Variants in SMG7 observed in about 807,000 individuals in gnomAD.
SMG7 encodes the protein nonsense-mediated mRNA decay factor SMG7.
Under a neutral mutation model 148.2 loss-of-function variants are expected in SMG7, and 34 were observed. The observed-to-expected ratio is 0.23, with a 90% CI of 0.17 to 0.31. The LOEUF (loss-of-function observed/expected upper bound fraction) is 0.31, where lower values mean the gene tolerates loss of function less well. SMG7 is among the 10% of genes least tolerant of loss of function. The pLI, the probability that SMG7 is intolerant of heterozygous loss-of-function variation, is 1.00. For missense variants in SMG7, 1,114 were observed against 1,408.4 expected (o/e 0.79, Z 3.35); for synonymous variants, 492 against 515.1 (o/e 0.96, Z 0.61).
intron 15 of SMG7, among the ~76,000 whole-genome samples, chr1:183,544,724 C>T (rs973239649): frequency 6.6e-6 from 1 of 152,132 alleles, no homozygotes; most frequent in Non-Finnish European, 1.5e-5. Context: ...AAGCTACTCA[C>T]AGAACACTGA....
At chr1:183,541,179 C>A in intron 13 of SMG7, 76 bp downstream of exon 13, 1 of 1,254,690 alleles carries the variant, frequency 8.0e-7, no homozygotes, top group Non-Finnish European at 1.1e-6. Context: ...CGCGCGCGCA[C>A]ACACACACAT....
At chr1:183,539,566 A>C (rs1475393383) in intron 12 of SMG7, among the ~76,000 whole-genome samples, 2 of 152,196 alleles carry the variant, frequency 1.3e-5, no homozygotes, top group Admixed American at 6.5e-5. Flanking sequence ...ATATTCTAAC[A>C]ATCTGACCTC....
chr1:183,532,965 A>G, intron 8 of SMG7, among the ~76,000 whole-genome samples, 199 bp from the exon 9 acceptor site: 1 of 152,224 alleles, frequency 6.6e-6, no homozygotes, highest in East Asian at 1.9e-4. Context: ...TGTCTAGATT[A>G]ATTCCTTTCA....
intron 1 of SMG7, among the ~76,000 whole-genome samples, chr1:183,478,027 C>G (rs1653107995): frequency 6.6e-6 from 1 of 151,994 alleles, no homozygotes; most frequent in African/African-American, 2.4e-5. Context: ...AATCTTGAAA[C>G]AGAGAGATAG....
intron 2 of SMG7, among the ~76,000 whole-genome samples, chr1:183,515,494 AGACCAACTT>A (rs1361493612): frequency 1.3e-5 from 2 of 152,182 alleles, no homozygotes; most frequent in Non-Finnish European, 2.9e-5. Flanking sequence ...GAGAGTAAAC[AGACCAACTT>A]GACAGTCTGT....
At chr1:183,513,486 C>T (rs1387430410) in intron 2 of SMG7, 1 of 152,954 alleles carries the variant, frequency 6.5e-6, no homozygotes, top group Admixed American at 6.6e-5. Context: ...ATTCTCCTGC[C>T]TCAGCCTCCT....
At chr1:183,521,484 G>C (rs1351849697) in intron 4 of SMG7, among the ~76,000 whole-genome samples, 3 of 152,164 alleles carry the variant, frequency 2.0e-5, no homozygotes, top group African/African-American at 4.8e-5. Context: ...AATCTTTCTT[G>C]ATTACATGCA....
At chr1:183,498,840 C>T (rs2102293215) in intron 1 of SMG7, among the ~76,000 whole-genome samples, 1 of 152,312 alleles carries the variant, frequency 6.6e-6, no homozygotes, top group South Asian at 2.1e-4. Context: ...TGTGTAATGA[C>T]ATGTATCCAC....
intron 5 of SMG7, 64 bp downstream of exon 5, chr1:183,526,831 A>G (rs984907501): frequency 1.3e-5 from 18 of 1,397,442 alleles, no homozygotes; most frequent in Non-Finnish European, 1.8e-5. Flanking sequence ...AGTCATAGAA[A>G]GAAACTGTTT....
At chr1:183,488,753 A>G (rs1015897202) in intron 1 of SMG7, among the ~76,000 whole-genome samples, 1 of 129,792 alleles carries the variant, frequency 7.7e-6, no homozygotes, top group African/African-American at 3.0e-5. Flanking sequence ...TGGCAGTCTC[A>G]GCTCACTGCA....
At chr1:183,510,264 T>C (rs1344077212) in intron 1 of SMG7, among the ~76,000 whole-genome samples, 1 of 152,122 alleles carries the variant, frequency 6.6e-6, no homozygotes, top group African/African-American at 2.4e-5. Context: ...CACTATAAGG[T>C]TTATAAATTA....
Position 183,526,309 on chromosome 1 carries a change from C to T in SMG7, c.313-287C>T, listed in dbSNP as rs533819303. On this transcript the variant is annotated intron_variant, in intron 4 of 22. Coordinates refer to ENST00000688051, the MANE Select transcript of SMG7 (RefSeq NM_001375584.1). ...GACTACAGGTGCTCACCACCACTCCCGGCTGATTTTTTTTTTGTATTTTTA... is the reference window on the plus strand; with the variant it reads ...GACTACAGGTGCTCACCACCACTCCTGGCTGATTTTTTTTTTGTATTTTTA... Among the ~76,000 whole-genome samples the T allele has an allele frequency of 4.6e-5, 7 of 151,704 alleles. No homozygotes were observed. The East Asian group carries it at 5.8e-4, about 13-fold the overall frequency.
chr1:183,534,872 G>A (rs1372161763), intron 10 of SMG7, among the ~76,000 whole-genome samples: 1 of 151,658 alleles, frequency 6.6e-6, no homozygotes, highest in Non-Finnish European at 1.5e-5. Flanking sequence ...AAGACCTTAT[G>A]GTCTGTCTGC....
intron 1 of SMG7, among the ~76,000 whole-genome samples, chr1:183,488,984 A>G (rs1303957067): frequency 6.6e-6 from 1 of 152,152 alleles, no homozygotes; most frequent in Non-Finnish European, 1.5e-5. Context: ...ACGCCTGGCC[A>G]AGGCTTTTTT....
At chr1:183,499,045 G>A (rs1159999365) in intron 1 of SMG7, among the ~76,000 whole-genome samples, 1 of 152,120 alleles carries the variant, frequency 6.6e-6, no homozygotes, top group Non-Finnish European at 1.5e-5. Context: ...ATGCATTTAA[G>A]TTTCCTTCAT....
At chr1:183,476,558 G>A (rs1652233239) in intron 1 of SMG7, among the ~76,000 whole-genome samples, 1 of 152,038 alleles carries the variant, frequency 6.6e-6, no homozygotes, top group South Asian at 2.1e-4. Flanking sequence ...CAACATCAAG[G>A]GAACTGAATT....
intron 12 of SMG7, among the ~76,000 whole-genome samples, chr1:183,539,695 A>G (rs1668455823): frequency 6.6e-6 from 1 of 152,200 alleles, no homozygotes; most frequent in Non-Finnish European, 1.5e-5. Flanking sequence ...TTACCCATCT[A>G]TATGACCAAG....
chr1:183,546,202 C>A lies in SMG7; in HGVS notation c.2607C>A (p.Phe869Leu). 1 of 1,614,044 alleles carries A rather than the reference C, an allele frequency of 6.2e-7. No homozygotes were observed. Among genetic ancestry groups the A allele is most frequent in the Non-Finnish European group, 8.5e-7 (1 of 1,179,970 alleles). Reference sequence around the variant, plus strand: ...CCTCAGAAGTCAAGGTCCCAGAATTCTACTGGGATTCTTCCTACAGCATGG... The same window carrying A: ...CCTCAGAAGTCAAGGTCCCAGAATTATACTGGGATTCTTCCTACAGCATGG... ...HNPSEVKVPE[F>L]YWDSSYSMAD... The change falls in exon 17 of 23, where the codon TTC (phenylalanine) becomes TTA (leucine). Residue 869 changes from phenylalanine to leucine, a missense_variant. By Grantham distance (22) the Phe-to-Leu change is conservative (BLOSUM62 0). This residue lies in a region of SMG7 where 788 missense variants were observed against 894.5 expected (regional missense o/e 0.88). Coordinates refer to ENST00000688051, the MANE Select transcript of SMG7 (RefSeq NM_001375584.1).
In SMG7 at chr1:183,544,987, G is replaced by A. The variant is rs1158349777; in HGVS notation, c.2045G>A (p.Gly682Asp). ...CCTGTGGCATTTTCTATGGGCTCAGGTTACACCTTCCCAGCTGGTGTTTCT... is the reference window on the plus strand; with the variant it reads ...CCTGTGGCATTTTCTATGGGCTCAGATTACACCTTCCCAGCTGGTGTTTCT... ...PPPVAFSMGS[G>D]YTFPAGVSVP... Residue 682 changes from glycine (G) to aspartate (D), a missense_variant, in exon 16 of 23, where the codon GGT (glycine) becomes GAT (aspartate). Around this residue, in one of 4 missense-constraint regions of SMG7, gnomAD observed 788 missense variants for 894.5 expected, o/e 0.88. Coordinates refer to ENST00000688051, the MANE Select transcript of SMG7 (RefSeq NM_001375584.1). The A allele has an allele frequency of 6.2e-7, 1 of 1,613,778 alleles. No individual in the cohort carries two copies. The highest frequency in any genetic ancestry group is 1.1e-5 in the South Asian group (1 of 91,076).
Sources: gnomAD v4.1 joint callset for allele counts (sites outside exome capture counted in the v4.1 genomes callset) on GRCh38, gnomAD v4.1.1 for gene constraint, gnomAD v4.1.1 regional missense constraint, MANE v1.5 for transcripts, NCBI Gene and HGNC (gene_info 2026-07-23, HGNC 2026-07-21) for gene names.